Variants in TNFRSF1B observed in about 807,000 individuals in gnomAD.
TNFRSF1B encodes tumor necrosis factor receptor superfamily member 1B.
In TNFRSF1B, 19 loss-of-function variants were observed where a neutral mutation model predicts 44.6. The observed-to-expected ratio is 0.43, with a 90% CI of 0.30 to 0.62. TNFRSF1B has a LOEUF of 0.62. Ranked by LOEUF, TNFRSF1B falls within the 20% of genes least tolerant of loss-of-function variation. The pLI, the probability that TNFRSF1B is intolerant of heterozygous loss-of-function variation, is 0.16. For synonymous variants in TNFRSF1B, 252 were observed against 261.1 expected (o/e 0.97, Z 0.34); for missense variants, 541 against 619.9 (o/e 0.87, Z 1.35).
intron 1 of TNFRSF1B, 127 bp from the exon 2 acceptor site, chr1:12,188,669 C>T (rs1639040188): frequency 1.2e-6 from 1 of 855,924 alleles, no homozygotes; most frequent in East Asian, 2.7e-5. Context: ...GAGAAACCTC[C>T]CCAGCCATCA....
chr1:12,201,891 C>A, intron 8 of TNFRSF1B, 76 bp from the exon 9 acceptor site: 2 of 1,496,924 alleles, frequency 1.3e-6, no homozygotes, highest in Non-Finnish European at 1.8e-6. Flanking sequence ...GTGTGGATGG[C>A]AGTGGGAAGG....
chr1:12,191,997 G>A (rs985340039), intron 4 of TNFRSF1B, 74 bp downstream of exon 4: 69 of 1,539,202 alleles, frequency 4.5e-5, no homozygotes, highest in Non-Finnish European at 6.0e-5. Flanking sequence ...AGTGTCACGG[G>A]CATCAACCCA....
chr1:12,172,084 G>A (rs17884395), intron 1 of TNFRSF1B, among the ~76,000 whole-genome samples: 14 of 152,282 alleles, frequency 9.2e-5, no homozygotes, highest in Non-Finnish European at 1.6e-4. Context: ...CGTGTAGTGA[G>A]GGATGGGGCC....
In TNFRSF1B at chr1:12,187,933, C is replaced by G; in HGVS notation, c.79-863C>G. Among the ~76,000 whole-genome samples, 1 of 152,196 alleles carries G rather than the reference C, an allele frequency of 6.6e-6. No homozygotes were observed. The highest frequency in any genetic ancestry group is 1.9e-4 in the East Asian group (1 of 5,186). ...GTGGAGCATTCATTATCAGCCAACA[C>G]CCACAGCAGCTGGGGGAGCGGTGCC... On this transcript the variant is annotated intron_variant, in intron 1 of 9. Transcript: ENST00000376259. This position sits in a 1 kb window ranked among gnomAD's most constrained non-coding sequence, Gnocchi z 5.5.
chr1:12,183,269 A>G (rs1423629844), intron 1 of TNFRSF1B, among the ~76,000 whole-genome samples: 1 of 152,188 alleles, frequency 6.6e-6, no homozygotes, highest in Non-Finnish European at 1.5e-5. Context: ...ATAGTCCTCT[A>G]TCCGCTTGCC....
intron 9 of TNFRSF1B, 125 bp from the exon 10 acceptor site, chr1:12,206,615 A>C: frequency 9.5e-7 from 1 of 1,057,380 alleles, no homozygotes; most frequent in Non-Finnish European, 1.3e-6. Context: ...CTGGGCTAGA[A>C]TCTTGGTCTC....
intron 1 of TNFRSF1B, among the ~76,000 whole-genome samples, chr1:12,183,699 TCTATCTATCTATTCTA>T (rs1359773853): frequency 6.2e-4 from 63 of 102,328 alleles, no homozygotes; most frequent in Non-Finnish European, 1.3e-3. Context: ...TATCTATCTA[TCTATCTATCTATTCTA>T]TCTACCTATC....
chr1:12,192,581 C>T (rs1639170200), intron 5 of TNFRSF1B, 57 bp downstream of exon 5: 8 of 1,532,280 alleles, frequency 5.2e-6, no homozygotes, highest in Non-Finnish European at 6.3e-6. Context: ...CCCTGGGTGA[C>T]TGTGGGTCCA....
Position 12,191,758 on chromosome 1 carries a change from C to T in TNFRSF1B, c.308-16C>T. The T allele has an allele frequency of 6.2e-7, 1 of 1,612,924 alleles. No homozygotes were observed. Among genetic ancestry groups the T allele is most frequent in the Non-Finnish European group, 8.5e-7 (1 of 1,179,644 alleles). Reference sequence around the variant, plus strand: ...GGAGGCAGGCGTGACCGTTTGCCGCCCTCTCGCTGCTCTAGACCAGGTGGA... The same window carrying T: ...GGAGGCAGGCGTGACCGTTTGCCGCTCTCTCGCTGCTCTAGACCAGGTGGA... On this transcript the variant is annotated splice_polypyrimidine_tract_variant and intron_variant, in intron 3 of 9. Coordinates refer to ENST00000376259, the MANE Select transcript of TNFRSF1B (RefSeq NM_001066.3).
chr1:12,202,988 G>T (rs1052859584), intron 9 of TNFRSF1B, among the ~76,000 whole-genome samples: 4 of 152,226 alleles, frequency 2.6e-5, no homozygotes, highest in African/African-American at 9.6e-5. Flanking sequence ...TCCCATTTAT[G>T]CAGGCTGCAT....
chr1:12,176,760 G>A (rs1638665438), intron 1 of TNFRSF1B, among the ~76,000 whole-genome samples: 1 of 152,192 alleles, frequency 6.6e-6, no homozygotes, highest in Non-Finnish European at 1.5e-5. Flanking sequence ...AGGCAGGGAG[G>A]CCCATGAGGA....
chr1:12,175,943 G>A (rs528369250), intron 1 of TNFRSF1B, among the ~76,000 whole-genome samples: 10 of 152,134 alleles, frequency 6.6e-5, no homozygotes, highest in South Asian at 6.2e-4. Flanking sequence ...GGCCGGGCAC[G>A]GTGGCTCACG....
Position 12,186,733 on chromosome 1 carries a change from C to T in TNFRSF1B, c.79-2063C>T, listed in dbSNP as rs1160465283. On this transcript the variant is annotated intron_variant, in intron 1 of 9. Transcript: ENST00000376259. This position sits in a 1 kb window ranked among gnomAD's most constrained non-coding sequence, Gnocchi z 4.8. The stretch of plus-strand genomic sequence containing the variant: ...GCAGCTGGCAGTACAGTGGGGAGTG[C>T]GCCAGCCCTGGCTCTGACCTCCTAG... Among the ~76,000 whole-genome samples the T allele has an allele frequency of 6.6e-6, 1 of 152,332 alleles. No homozygotes were observed. The highest frequency in any genetic ancestry group is 1.9e-4 in the East Asian group (1 of 5,184).
intron 8 of TNFRSF1B, among the ~76,000 whole-genome samples, chr1:12,198,284 C>T (rs1451382138): frequency 6.6e-6 from 1 of 152,170 alleles, no homozygotes; most frequent in Non-Finnish European, 1.5e-5. Flanking sequence ...TTCTCACAGC[C>T]ATGCTGCCAC....
intron 1 of TNFRSF1B, among the ~76,000 whole-genome samples, chr1:12,183,744 T>TCTACCTAC (rs1363977681): frequency 4.8e-4 from 50 of 103,816 alleles, no homozygotes; most frequent in Middle Eastern, 5.2e-3. Context: ...TATCTATCTA[T>TCTACCTAC]CTATCTAGCT....
chr1:12,175,722 C>A (rs1442829689), intron 1 of TNFRSF1B, among the ~76,000 whole-genome samples: 2 of 152,168 alleles, frequency 1.3e-5, no homozygotes, highest in Non-Finnish European at 2.9e-5. Context: ...CCCTCCCACC[C>A]CTTGGCTCAA....
intron 2 of TNFRSF1B, among the ~76,000 whole-genome samples, chr1:12,190,302 AC>A (rs530649468): frequency 2.5e-4 from 38 of 152,162 alleles, no homozygotes; most frequent in African/African-American, 8.9e-4. Context: ...TACTAAGAAT[AC>A]AAAAAAATAG....
chr1:12,197,852 G>A (rs1435305684), intron 8 of TNFRSF1B, among the ~76,000 whole-genome samples: 4 of 152,160 alleles, frequency 2.6e-5, no homozygotes, highest in African/African-American at 4.8e-5. Flanking sequence ...GTGGCCGGGC[G>A]CCATGGCTCA....
chr1:12,194,054 C>T, intron 7 of TNFRSF1B, 22 bp downstream of exon 7: 1 of 1,603,216 alleles, frequency 6.2e-7, no homozygotes. Context: ...TCCTTCCTTC[C>T]TTCATCCACT....
Sources: gnomAD v4.1 joint callset for allele counts (sites outside exome capture counted in the v4.1 genomes callset) on GRCh38, gnomAD v4.1.1 for gene constraint, Gnocchi (gnomAD v3.1) non-coding constraint, MANE v1.5 for transcripts, NCBI Gene and HGNC (gene_info 2026-07-23, HGNC 2026-07-21) for gene names.